SIRT2: variants seen among roughly 807,000 people sequenced by gnomAD.
The protein encoded by SIRT2 is sirtuin 2, also known as NAD-dependent protein deacetylase sirtuin-2.
SIRT2 carries 40 observed loss-of-function variants against 57.4 expected under a neutral mutation model. That is an observed-to-expected ratio of 0.70 (90% CI 0.54 to 0.91). The LOEUF (loss-of-function observed/expected upper bound fraction) is 0.91, where lower values mean the gene tolerates loss of function less well. Ranked by LOEUF, SIRT2 falls within the 40% of genes least tolerant of loss-of-function variation. The probability of loss-of-function intolerance (pLI) is 0.00; values close to 1 mark genes in which losing one functional copy is unlikely to be tolerated. For missense variants in SIRT2, 439 were observed against 510.4 expected, an observed-to-expected ratio of 0.86 and a Z score of 1.35; for synonymous variants, 161 against 195.7, an observed-to-expected ratio of 0.82 and a Z score of 1.48.
chr19:38,881,593 C>T, intron 9 of SIRT2, 102 bp from the exon 10 acceptor site: 2 of 879,634 alleles, frequency 2.3e-6, no homozygotes, highest in Non-Finnish European at 1.9e-6. Context: ...AACATGAACA[C>T]ACCTCCATCA....
chr19:38,897,970 T>C (rs1359740685), intron 2 of SIRT2, among the ~76,000 whole-genome samples: 1 of 152,194 alleles, frequency 6.6e-6, no homozygotes, highest in African/African-American at 2.4e-5. Context: ...TCCTGAGTTA[T>C]TGGAATTACA....
intron 7 of SIRT2, 125 bp from the exon 8 acceptor site, chr19:38,889,280 G>C (rs553895299): frequency 4.8e-6 from 4 of 826,300 alleles, no homozygotes; most frequent in Non-Finnish European, 8.3e-6. Context: ...CAGCAGCCGC[G>C]TCGGGGAGAG....
chr19:38,894,831 T>A (rs1426788625), intron 2 of SIRT2: 1 of 456,198 alleles, frequency 2.2e-6, no homozygotes, highest in East Asian at 7.0e-5. Flanking sequence ...TTCCTGGGGT[T>A]ACCTGTCTCA....
At chr19:38,887,852 C>A (rs911631146) in intron 8 of SIRT2, among the ~76,000 whole-genome samples, 1 of 152,114 alleles carries the variant, frequency 6.6e-6, no homozygotes. Context: ...CTCTGCCTCC[C>A]AGGTTCAAGC....
chr19:38,893,343 G>A, intron 4 of SIRT2, 71 bp downstream of exon 4: 1 of 934,846 alleles, frequency 1.1e-6, no homozygotes. Context: ...AATGGTTCAA[G>A]TGGCTGGGGA....
chr19:38,881,284 C>T (rs1210976876), intron 10 of SIRT2, 129 bp from the exon 11 acceptor site: 1 of 1,135,892 alleles, frequency 8.8e-7, no homozygotes, highest in Non-Finnish European at 1.3e-6. Flanking sequence ...GGGGCACAGA[C>T]CCCATTCTCC....
intron 8 of SIRT2, among the ~76,000 whole-genome samples, chr19:38,885,182 C>T (rs1973287003): frequency 6.6e-6 from 1 of 152,090 alleles, no homozygotes; most frequent in African/African-American, 2.4e-5. Flanking sequence ...ACCTCCTGGG[C>T]TCAAGCCATC....
intron 2 of SIRT2, among the ~76,000 whole-genome samples, chr19:38,896,099 T>A (rs968416665): frequency 2.1e-4 from 31 of 147,474 alleles, no homozygotes; most frequent in African/African-American, 7.5e-4. Flanking sequence ...AAAGAGAGAG[T>A]GAGAATGAGA....
At chr19:38,881,661 T>G (rs1416023266) in intron 9 of SIRT2, among the ~76,000 whole-genome samples, 170 bp from the exon 10 acceptor site, 1 of 151,894 alleles carries the variant, frequency 6.6e-6, no homozygotes, top group African/African-American at 2.4e-5. Flanking sequence ...AGACCTCTCT[T>G]CTTGTTGTTG....
intron 7 of SIRT2, 82 bp downstream of exon 7, chr19:38,889,607 T>C (rs1429239702): frequency 6.7e-7 from 1 of 1,498,670 alleles, no homozygotes; most frequent in Non-Finnish European, 9.2e-7. Context: ...ATAATATTTG[T>C]CTGCAGGGCC....
chr19:38,882,003 G>GT (rs922579203), intron 9 of SIRT2, among the ~76,000 whole-genome samples: 6 of 147,754 alleles, frequency 4.1e-5, no homozygotes, highest in African/African-American at 1.2e-4. Flanking sequence ...TGGTTTGTTT[G>GT]TTTTTTTGAG....
At chr19:38,895,143 A>G (rs1973677533) in intron 2 of SIRT2, among the ~76,000 whole-genome samples, 1 of 145,188 alleles carries the variant, frequency 6.9e-6, no homozygotes, top group Non-Finnish European at 1.5e-5. Flanking sequence ...TCTGTCCACC[A>G]ACCCCCTTTC....
rs1973865152 is a variant in SIRT2 at position 38,899,593 on chromosome 19, C to G, written c.-72G>C. 1 of 1,599,346 alleles carries G rather than the reference C, an allele frequency of 6.3e-7. No individual in the cohort carries two copies. The highest frequency in any genetic ancestry group is 8.6e-7 in the Non-Finnish European group (1 of 1,167,198). On this transcript the variant is annotated 5_prime_UTR_variant, in exon 1 of 16. Transcript: ENST00000249396. ...CGTCACCAACCACTGTGTCCCGTCA[C>G]CGACTGCTCTGTCCTGTCACCGACT...
intron 3 of SIRT2, 112 bp downstream of exon 3, chr19:38,893,707 A>G (rs570599702): frequency 7.2e-7 from 1 of 1,391,030 alleles, no homozygotes; most frequent in Non-Finnish European, 1.0e-6. Context: ...CCACTGCTAC[A>G]TACTTTGGAT....
chr19:38,892,320 C>T (rs1237654405), intron 4 of SIRT2, among the ~76,000 whole-genome samples: 3 of 151,194 alleles, frequency 2.0e-5, no homozygotes, highest in Non-Finnish European at 2.9e-5. Flanking sequence ...TGCTGGAACC[C>T]GGGAGGTGGA....
chr19:38,884,330 C>T (rs139074289), intron 8 of SIRT2, among the ~76,000 whole-genome samples: 3 of 152,300 alleles, frequency 2.0e-5, no homozygotes, highest in South Asian at 2.1e-4. Flanking sequence ...ATTAATGGAG[C>T]CCCCTCAGAT....
At chr19:38,891,587 G>A (rs1216313127) in intron 4 of SIRT2, among the ~76,000 whole-genome samples, 1 of 152,032 alleles carries the variant, frequency 6.6e-6, no homozygotes, top group Non-Finnish European at 1.5e-5. Context: ...GCAGTGAGGT[G>A]AGGGTTGGAG....
At chr19:38,884,128 A>G (rs1458589662) in intron 8 of SIRT2, among the ~76,000 whole-genome samples, 1 of 150,642 alleles carries the variant, frequency 6.6e-6, no homozygotes, top group Non-Finnish European at 1.5e-5. Context: ...AAAAAAAAAA[A>G]AGGGGCCCAA....
chr19:38,893,877 G>A lies in SIRT2; in HGVS notation c.64-10C>T. On this transcript the variant is annotated splice_polypyrimidine_tract_variant and intron_variant, in intron 2 of 15. Transcript: ENST00000249396. Reference sequence around the variant, plus strand: ...AGTCTGAATCTGAGTCCTGGAAGGGGTGGGGTGGAGTGGCCAGGCCCGAGA... The same window carrying A: ...AGTCTGAATCTGAGTCCTGGAAGGGATGGGGTGGAGTGGCCAGGCCCGAGA... 2.5e-6 allele frequency: 4 copies of A among 1,614,038 alleles called. No individual in the cohort carries two copies. The highest frequency in any genetic ancestry group is 3.4e-6 in the Non-Finnish European group (4 of 1,179,966).
Sources: gnomAD v4.1 joint callset for allele counts (sites outside exome capture counted in the v4.1 genomes callset) on GRCh38, gnomAD v4.1.1 for gene constraint, MANE v1.5 for transcripts, NCBI Gene and HGNC (gene_info 2026-07-23, HGNC 2026-07-21) for gene names.